Variants in DOT1L observed in about 807,000 individuals in gnomAD.
DOT1L encodes the protein histone-lysine N-methyltransferase, H3 lysine-79 specific.
In DOT1L, 33 loss-of-function variants were observed where a neutral mutation model predicts 153.3. The observed-to-expected ratio is 0.22, with a 90% confidence interval of 0.16 to 0.29. The LOEUF is 0.29. Ranked by LOEUF, DOT1L falls within the 10% of genes least tolerant of loss-of-function variation. The probability of loss-of-function intolerance (pLI) is 1.00; values close to 1 mark genes in which losing one functional copy is unlikely to be tolerated. For missense variants in DOT1L, 1,847 were observed against 2,119.9 expected (o/e 0.87, Z 2.53); for synonymous variants, 1,135 against 965.1 (o/e 1.18, Z -3.26).
intron 27 of DOT1L, 24 bp downstream of exon 27, chr19:2,227,151 G>GC (rs775080786): frequency 1.1e-5 from 17 of 1,553,296 alleles, no homozygotes; most frequent in South Asian, 3.5e-5. Flanking sequence ...CCGTCCGTCC[G>GC]CCCCCCGCCC....
intron 1 of DOT1L, among the ~76,000 whole-genome samples, chr19:2,167,435 T>C (rs1032825415): frequency 1.4e-4 from 22 of 152,288 alleles, no homozygotes; most frequent in Middle Eastern, 3.4e-3. Flanking sequence ...CAGTGCTCCA[T>C]TGTAAATAGT....
intron 24 of DOT1L, 100 bp from the exon 25 acceptor site, chr19:2,223,181 C>A: frequency 2.2e-6 from 3 of 1,338,396 alleles, no homozygotes; most frequent in Non-Finnish European, 3.1e-6. Context: ...CCTCAGGAGA[C>A]CCTGGGGTGC....
chr19:2,220,058 G>A lies in DOT1L; in HGVS notation c.2692-50G>A, dbSNP rs777923346. On this transcript the variant is annotated intron_variant, in intron 22 of 27. Coordinates refer to ENST00000398665, the MANE Select transcript of DOT1L (RefSeq NM_032482.3). This position sits in a 1 kb window ranked among gnomAD's most constrained non-coding sequence, Gnocchi z 4.5. The stretch of plus-strand genomic sequence containing the variant: ...CTCACTGTTTCCAGCTGGGTTCTGG[G>A]TCTCCTGGGGCACCTGCTGCCCCTG... The A allele has an allele frequency of 2.0e-6, 3 of 1,529,786 alleles. No homozygotes were observed. Among genetic ancestry groups the A allele is most frequent in the South Asian group, 1.2e-5 (1 of 81,788 alleles). 94.8% of individuals were successfully genotyped at this position (1,529,786 alleles called of 1,614,324 possible).
intron 2 of DOT1L, among the ~76,000 whole-genome samples, chr19:2,182,677 T>A (rs953325364): frequency 1.3e-5 from 2 of 152,018 alleles, no homozygotes; most frequent in African/African-American, 4.8e-5. Context: ...ACCAGGCGCT[T>A]GCTAGTGTGT....
In DOT1L at chr19:2,213,958, G is replaced by A. The variant is rs373907303; in HGVS notation, c.1769G>A (p.Arg590His). 3.2e-5 allele frequency: 51 copies of A among 1,612,828 alleles called. No homozygotes were observed. The Middle Eastern group carries it at 5.0e-4, about 16-fold the overall frequency. Residue 590 changes from arginine (R) to histidine (H), a missense_variant, in exon 18 of 28, where the codon CGC (arginine) becomes CAC (histidine). Arg to His is a conservative substitution (Grantham distance 29). This residue lies in a region of DOT1L where 156 missense variants were observed against 235.7 expected (regional missense o/e 0.66). Transcript: ENST00000398665. Reference sequence around the variant, plus strand: ...TCGGAGCAGCTGGAGCAGGACAACCGCGCGCTCCGCGGCCAGAGCTTGCAG... The same window carrying A: ...TCGGAGCAGCTGGAGCAGGACAACCACGCGCTCCGCGGCCAGAGCTTGCAG... Reference protein sequence around the residue: ...EQSEQLEQDNRALRGQSLQLL... With the variant: ...EQSEQLEQDNHALRGQSLQLL...
rs1443929796 is a variant in DOT1L at position 2,226,391 on chromosome 19, T to A, written c.3870T>A (p.Ala1290=). The A allele has an allele frequency of 1.3e-6, 2 of 1,594,366 alleles. No homozygotes were observed. Among genetic ancestry groups the A allele is most frequent in the Admixed American group, 3.4e-5 (2 of 59,140 alleles). The change falls in exon 27 of 28, where the codon GCT becomes GCA. Residue 1290 remains alanine, a synonymous_variant. Coordinates refer to ENST00000398665, the MANE Select transcript of DOT1L (RefSeq NM_032482.3). ...CCTCTGCCGATGCCAAGCTGGCCGC[T>A]CACCCCAGGAAAGGCTTTCCCGGCT... ...EEPSADAKLA[A]HPRKGFPGSL...
At position 2,210,517 on chromosome 19, in the gene DOT1L, C is replaced by T. The variant is rs569386134; in HGVS notation, c.1116+7C>T. Reference sequence around the variant, plus strand: ...CCCCGCCGACGCCCCCATGGTAAGGCCCCAGCCTGGCTCCTGCTGCTGGAG... The same window carrying T: ...CCCCGCCGACGCCCCCATGGTAAGGTCCCAGCCTGGCTCCTGCTGCTGGAG... On this transcript the variant is annotated splice_region_variant and intron_variant, in intron 13 of 27. Coordinates refer to ENST00000398665, the MANE Select transcript of DOT1L (RefSeq NM_032482.3). 2.0e-5 allele frequency: 32 copies of T among 1,593,340 alleles called. No homozygotes were observed. Among genetic ancestry groups the T allele is most frequent in the Non-Finnish European group, 2.4e-5 (28 of 1,169,874 alleles).
intron 14 of DOT1L, 88 bp downstream of exon 14, chr19:2,210,943 C>T (rs1472162668): frequency 1.3e-5 from 19 of 1,515,012 alleles, no homozygotes; most frequent in South Asian, 1.2e-4. Context: ...TCCTGAGCCC[C>T]GTGTGTTCAG....
At position 2,217,730 on chromosome 19, in the gene DOT1L, G is replaced by A. The variant is rs966482431; in HGVS notation, c.2545-42G>A. ...GGCTGTGGTCCCTGTGTCCTGGAGG[G>A]GTTTGTTGACCCACGACTGGGGGTC... On this transcript the variant is annotated intron_variant, in intron 21 of 27. Transcript: ENST00000398665. This position sits in a 1 kb window ranked among gnomAD's most constrained non-coding sequence, Gnocchi z 7.3. 2.5e-6 allele frequency: 4 copies of A among 1,574,120 alleles called. No individual in the cohort carries two copies. In the South Asian group the frequency reaches 3.5e-5, roughly 14 times the overall value.
At chr19:2,218,032 G>A in intron 22 of DOT1L, 114 bp downstream of exon 22, 1 of 1,437,412 alleles carries the variant, frequency 7.0e-7, no homozygotes, top group Non-Finnish European at 9.3e-7. Flanking sequence ...TCGAGCGTGA[G>A]GCAATGCAGT....
At chr19:2,178,265 G>T (rs1382401668) in intron 1 of DOT1L, among the ~76,000 whole-genome samples, 2 of 138,334 alleles carry the variant, frequency 1.4e-5, no homozygotes, top group Non-Finnish European at 1.5e-5. Context: ...TTTTTGTAGA[G>T]ATGGCGTTTC....
intron 5 of DOT1L, among the ~76,000 whole-genome samples, chr19:2,192,167 G>C (rs2022823824): frequency 6.6e-6 from 1 of 152,104 alleles, no homozygotes; most frequent in Non-Finnish European, 1.5e-5. Flanking sequence ...TGGCTTTGAC[G>C]TGGGGAAGGG....
intron 2 of DOT1L, among the ~76,000 whole-genome samples, chr19:2,182,377 CA>C (rs2022281771): frequency 6.6e-6 from 1 of 151,802 alleles, no homozygotes; most frequent in South Asian, 2.1e-4. Context: ...CCCAAGTCTA[CA>C]AAAAAGTAAA....
chr19:2,174,311 C>T (rs1022377423), intron 1 of DOT1L, among the ~76,000 whole-genome samples: 50 of 152,254 alleles, frequency 3.3e-4, no homozygotes, highest in African/African-American at 1.1e-3. Context: ...GCTCTGATGT[C>T]CAGGCCCAGC....
At position 2,231,867 on chromosome 19, in the gene DOT1L, ACCGTAT is replaced by A. The variant is rs1398993758; in HGVS notation, c.*2076_*2081del. On this transcript the variant is annotated 3_prime_UTR_variant, in exon 28 of 28. Coordinates refer to ENST00000398665, the MANE Select transcript of DOT1L (RefSeq NM_032482.3). ...TGCAGGGCTCCTGCCCACGCAGGCC[ACCGTAT>A]GTTCAGGACACGCACTGGGTCTCAG... The A allele has an allele frequency of 6.4e-5, 14 of 220,078 alleles. 1 individual carries two copies. The South Asian group carries it at 1.9e-3, about 29-fold the overall frequency. 13.6% of individuals were successfully genotyped at this position (220,078 alleles called of 1,614,324 possible).
At chr19:2,229,229 G>C in intron 27 of DOT1L, 1 of 985,436 alleles carries the variant, frequency 1.0e-6, no homozygotes, top group Non-Finnish European at 1.2e-6. Context: ...GACTGTGGCC[G>C]CTGACCCCTG....
chr19:2,222,815 C>T lies in DOT1L; in HGVS notation c.3390+256C>T, dbSNP rs1285261187. On this transcript the variant is annotated intron_variant, in intron 24 of 27. Coordinates refer to ENST00000398665, the MANE Select transcript of DOT1L (RefSeq NM_032482.3). The surrounding 1 kb of genome is among the most constrained non-coding windows in gnomAD (Gnocchi z 6.5). The stretch of plus-strand genomic sequence containing the variant: ...AGGAGAATGATGTGAACCCGGGAGG[C>T]GGGGCTTGCAGTGAACTGAGATCGG... 1.3e-5 allele frequency: 6 copies of T among 476,150 alleles called. No individual in the cohort carries two copies. The highest frequency in any genetic ancestry group is 2.2e-5 in the Non-Finnish European group (6 of 270,868). 29.5% of individuals were successfully genotyped at this position (476,150 alleles called of 1,614,324 possible).
chr19:2,224,018 TTC>T (rs1248515637), intron 25 of DOT1L, among the ~76,000 whole-genome samples: 3 of 152,030 alleles, frequency 2.0e-5, no homozygotes, highest in African/African-American at 7.3e-5. Context: ...CCATCCTACT[TTC>T]TGTCTCTGAA....
At chr19:2,224,325 C>CA (rs2024240692) in intron 25 of DOT1L, among the ~76,000 whole-genome samples, 1 of 152,234 alleles carries the variant, frequency 6.6e-6, no homozygotes, top group Non-Finnish European at 1.5e-5. Context: ...CCAGCAGCCA[C>CA]ACCATTCCAC....
Sources: gnomAD v4.1 joint callset for allele counts (sites outside exome capture counted in the v4.1 genomes callset) on GRCh38, gnomAD v4.1.1 for gene constraint, gnomAD v4.1.1 regional missense constraint, Gnocchi (gnomAD v3.1) non-coding constraint, MANE v1.5 for transcripts, NCBI Gene and HGNC (gene_info 2026-07-23, HGNC 2026-07-21) for gene names.